HBP1: variants seen among roughly 807,000 people sequenced by gnomAD.
The protein encoded by HBP1 is HMG-box transcription factor 1, also known as HMG box-containing protein 1.
Under a neutral mutation model 62.6 loss-of-function variants are expected in HBP1, and 20 were observed. The ratio of observed to expected loss-of-function variants is 0.32; its 90% CI spans 0.22 to 0.46. HBP1 has a LOEUF of 0.46. HBP1 is among the 20% of genes least tolerant of loss of function. HBP1 has a pLI of 1.00. For missense variants in HBP1, 480 were observed against 611.8 expected (o/e 0.78, Z 2.27); for synonymous variants, 232 against 206.2 (o/e 1.12, Z -1.07).
At chr7:107,169,379 T>C (rs1796434275) in intron 1 of HBP1, among the ~76,000 whole-genome samples, 194 bp downstream of exon 1, 1 of 122,122 alleles carries the variant, frequency 8.2e-6, no homozygotes, top group Non-Finnish European at 1.7e-5. Flanking sequence ...CGAGCTCACC[T>C]GGGCTTCGGG....
In HBP1 at chr7:107,198,910, G is replaced by A. The variant is rs149243189; in HGVS notation, c.1386-1250G>A. On this transcript the variant is annotated intron_variant, in intron 9 of 10. Transcript: ENST00000222574. Reference sequence around the variant, plus strand: ...TTTAGCTTAAAATAATAAATGTTTCGCAAGTGCCACCCCCTTCAAAAACAT... The same window carrying A: ...TTTAGCTTAAAATAATAAATGTTTCACAAGTGCCACCCCCTTCAAAAACAT... Among the ~76,000 whole-genome samples, 717 of 152,134 alleles carry A rather than the reference G, an allele frequency of 4.7e-3. 3 individuals carry two copies. Among genetic ancestry groups the A allele is most frequent in the Non-Finnish European group, 6.6e-3 (446 of 68,000 alleles).
chr7:107,176,585 C>T (rs566834421), intron 1 of HBP1, among the ~76,000 whole-genome samples: 1 of 152,166 alleles, frequency 6.6e-6, no homozygotes, highest in African/African-American at 2.4e-5. Flanking sequence ...AGCCATACCC[C>T]ACACCAAACA....
chr7:107,185,939 A>C lies in HBP1; in HGVS notation c.537A>C (p.Glu179Asp). The change falls in exon 4 of 11, where the codon GAA (glutamate) becomes GAC (aspartate). Residue 179 changes from glutamate (E) to aspartate (D), a missense_variant. Glu to Asp is a conservative substitution (Grantham distance 45). Around this residue, in one of 4 missense-constraint regions of HBP1, gnomAD observed 304 missense variants for 330.9 expected, o/e 0.92. Transcript: ENST00000222574. ...AGGAGGAAACACCAGTAAGACACGA[A>C]AGGGTAAGTTTATTTATGAGGTTAA... is the stretch of plus-strand genomic sequence containing the variant. ...HWKEETPVRH[E>D]RANSESESGI... 1.2e-6 allele frequency: 2 copies of C among 1,610,834 alleles called. No homozygotes were observed. The highest frequency in any genetic ancestry group is 1.7e-6 in the Non-Finnish European group (2 of 1,177,140).
intron 1 of HBP1, among the ~76,000 whole-genome samples, chr7:107,179,461 T>C (rs1473742340): frequency 6.6e-6 from 1 of 152,158 alleles, no homozygotes; most frequent in Non-Finnish European, 1.5e-5. Flanking sequence ...TAAATGGCAG[T>C]GTATGATTAA....
chr7:107,184,301 C>A (rs993221907), intron 3 of HBP1, among the ~76,000 whole-genome samples: 3 of 152,040 alleles, frequency 2.0e-5, no homozygotes, highest in Non-Finnish European at 2.9e-5. Context: ...AATTTGAAAT[C>A]AAAAATTGGA....
In HBP1 at chr7:107,182,505, C is replaced by G; in HGVS notation, c.302C>G (p.Thr101Ser). ...WNQNTSDIPE[T>S]TYRENEVDWL... ...CAAAATACCTCAGACATACCAGAAA[C>G]TACTTACCGTGAAAATGAGGTGGAC... Residue 101 changes from threonine to serine, a missense_variant, in exon 3 of 11, where the codon ACT (threonine) becomes AGT (serine). Transcript: ENST00000222574. 1 of 1,613,382 alleles carries G rather than the reference C, an allele frequency of 6.2e-7. No homozygotes were observed. Among genetic ancestry groups the G allele is most frequent in the South Asian group, 1.1e-5 (1 of 91,072 alleles).
intron 9 of HBP1, 119 bp downstream of exon 9, chr7:107,196,270 C>T: frequency 2.6e-6 from 2 of 760,378 alleles, no homozygotes; most frequent in Non-Finnish European, 4.6e-6. Context: ...CTTAGGTTGA[C>T]TTTTTTGTTT....
chr7:107,200,031 T>TGGAA (rs1798153248), intron 9 of HBP1, 129 bp from the exon 10 acceptor site: 1 of 674,066 alleles, frequency 1.5e-6, no homozygotes, highest in African/African-American at 1.8e-5. Context: ...CTTGACCTTT[T>TGGAA]CCCATCTCTG....
chr7:107,200,374 T>C, intron 10 of HBP1, 73 bp downstream of exon 10: 2 of 1,279,244 alleles, frequency 1.6e-6, no homozygotes, highest in Non-Finnish European at 2.2e-6. Context: ...TTGGAGCAGT[T>C]GTTACAACCT....
chr7:107,178,195 G>GGGC (rs141650655), intron 1 of HBP1, among the ~76,000 whole-genome samples: 4 of 150,496 alleles, frequency 2.7e-5, no homozygotes, highest in African/African-American at 1.0e-4. Flanking sequence ...TTCTTTAAGA[G>GGGC]GGGGGGTCTT....
chr7:107,169,662 A>C (rs61014091), intron 1 of HBP1: 161,308 of 814,424 alleles, frequency 0.2, 16,130 homozygotes, highest in Middle Eastern at 0.21. Context: ...ACTGAGGGGG[A>C]TTCTGGCTGA....
intron 8 of HBP1, 106 bp downstream of exon 8, chr7:107,190,423 T>C (rs1010447363): frequency 1.4e-6 from 1 of 699,676 alleles, no homozygotes; most frequent in Non-Finnish European, 2.3e-6. Flanking sequence ...TTTAAAGATT[T>C]GAGAATTATA....
intron 1 of HBP1, among the ~76,000 whole-genome samples, chr7:107,175,063 A>C (rs1293404458): frequency 6.6e-6 from 1 of 152,024 alleles, no homozygotes; most frequent in Non-Finnish European, 1.5e-5. Flanking sequence ...TGGGAATGTG[A>C]GTGCTCTCTT....
chr7:107,184,691 A>G (rs1396379992), intron 3 of HBP1, among the ~76,000 whole-genome samples: 2 of 151,928 alleles, frequency 1.3e-5, no homozygotes, highest in Non-Finnish European at 2.9e-5. Context: ...TTTGTATTTT[A>G]AGTAGAGATG....
intron 3 of HBP1, among the ~76,000 whole-genome samples, chr7:107,185,107 T>G (rs1339239863): frequency 6.6e-6 from 1 of 152,102 alleles, no homozygotes; most frequent in Non-Finnish European, 1.5e-5. Context: ...CCATATACTC[T>G]AAAGGGAGCA....
chr7:107,193,821 G>C (rs1185988827), intron 8 of HBP1, among the ~76,000 whole-genome samples: 1 of 152,136 alleles, frequency 6.6e-6, no homozygotes, highest in Non-Finnish European at 1.5e-5. Flanking sequence ...CTCTGCAATT[G>C]ATTTGCTATG....
chr7:107,193,481 C>G (rs1797748879), intron 8 of HBP1, among the ~76,000 whole-genome samples: 1 of 152,142 alleles, frequency 6.6e-6, no homozygotes, highest in East Asian at 1.9e-4. Flanking sequence ...GTGCCAGCCT[C>G]TGCCCTGTGT....
At chr7:107,187,152 C>T (rs1310212299) in intron 6 of HBP1, among the ~76,000 whole-genome samples, 1 of 152,050 alleles carries the variant, frequency 6.6e-6, no homozygotes, top group Non-Finnish European at 1.5e-5. Flanking sequence ...ACTTGGGAGG[C>T]TGAGGCAGGA....
intron 9 of HBP1, 151 bp from the exon 10 acceptor site, chr7:107,200,009 G>A (rs1196743096): frequency 3.7e-6 from 2 of 543,554 alleles, no homozygotes; most frequent in Non-Finnish European, 6.3e-6. Flanking sequence ...TACTGGAAAT[G>A]AGCATTATGG....
Sources: gnomAD v4.1 joint callset for allele counts (sites outside exome capture counted in the v4.1 genomes callset) on GRCh38, gnomAD v4.1.1 for gene constraint, gnomAD v4.1.1 regional missense constraint, MANE v1.5 for transcripts, NCBI Gene and HGNC (gene_info 2026-07-23, HGNC 2026-07-21) for gene names.